The following ST7L variants were observed in gnomAD, a reference collection of about 807,000 sequenced individuals.
ST7L encodes the protein suppressor of tumorigenicity 7 protein-like.
In ST7L, 57 loss-of-function variants were observed where a neutral mutation model predicts 72.5. That is an observed-to-expected ratio of 0.79 (90% CI 0.64 to 0.98). ST7L has a LOEUF of 0.98. ST7L is among the 50% of genes least tolerant of loss of function. ST7L has a pLI of 0.00. For missense variants in ST7L, 576 were observed against 672.2 expected, an observed-to-expected ratio of 0.86 and a Z score of 1.58; for synonymous variants, 221 against 240.9, an observed-to-expected ratio of 0.92 and a Z score of 0.77.
intron 3 of ST7L, among the ~76,000 whole-genome samples, chr1:112,608,149 T>C (rs568985002): frequency 6.6e-6 from 1 of 152,292 alleles, no homozygotes; most frequent in South Asian, 2.1e-4. Context: ...GCCTCCCAAG[T>C]AGCTGGAACT....
At chr1:112,617,549 G>A (rs560992249) in intron 1 of ST7L, among the ~76,000 whole-genome samples, 8 of 152,030 alleles carry the variant, frequency 5.3e-5, no homozygotes, top group Non-Finnish European at 1.2e-4. Context: ...CAGTCTCTAC[G>A]CAAAATTTAA....
chr1:112,555,157 G>A (rs950211921), intron 12 of ST7L, among the ~76,000 whole-genome samples: 1 of 152,106 alleles, frequency 6.6e-6, no homozygotes, highest in South Asian at 2.1e-4. Context: ...TTACAATAAA[G>A]AATAGGTTGA....
chr1:112,610,698 G>A (rs940187845), intron 3 of ST7L, 143 bp downstream of exon 3: 26 of 1,018,454 alleles, frequency 2.6e-5, no homozygotes, highest in South Asian at 3.3e-5. Context: ...ACCCTACCTC[G>A]TAACATCACA....
chr1:112,617,537 C>A (rs1670060266), intron 1 of ST7L, among the ~76,000 whole-genome samples: 1 of 152,058 alleles, frequency 6.6e-6, no homozygotes, highest in Non-Finnish European at 1.5e-5. Context: ...ATAAAATAGA[C>A]CCAGTCTCTA....
At chr1:112,550,412 GCA>G (rs956496155) in intron 13 of ST7L, among the ~76,000 whole-genome samples, 187 bp downstream of exon 13, 2 of 152,042 alleles carry the variant, frequency 1.3e-5, no homozygotes, top group African/African-American at 4.8e-5. Context: ...GTTGCATCTA[GCA>G]CAGAGTTTTG....
chr1:112,601,909 T>C lies in ST7L; in HGVS notation c.452-1061A>G, dbSNP rs117802205. ...GCCTAGCCAACATAATAAAACTCCA[T>C]CTCTACTAAAAATACAAAATTAGCT... is the stretch of plus-strand genomic sequence containing the variant. On this transcript the variant is annotated intron_variant, in intron 3 of 14. Transcript: ENST00000358039. Among the ~76,000 whole-genome samples, 377 of 151,914 alleles carry C rather than the reference T, an allele frequency of 2.5e-3. 4 individuals are homozygous for C. The East Asian group carries it at 0.03, about 12-fold the overall frequency.
chr1:112,610,154 A>G (rs1668854869), intron 3 of ST7L, among the ~76,000 whole-genome samples: 2 of 152,120 alleles, frequency 1.3e-5, no homozygotes, highest in Admixed American at 1.3e-4. Context: ...AGTATGTAAC[A>G]TTTCTGAGAA....
chr1:112,619,257 G>A (rs1464245592), upstream of ST7L: 5 of 726,522 alleles, frequency 6.9e-6, no homozygotes, highest in Non-Finnish European at 1.1e-5. Flanking sequence ...GATTTCGAAG[G>A]TGGAGGAGCG....
At position 112,583,998 on chromosome 1, in the gene ST7L, T is replaced by C. The variant is rs1448759737; in HGVS notation, c.830A>G (p.Gln277Arg). The C allele has an allele frequency of 3.1e-6, 5 of 1,614,160 alleles. No homozygotes were observed. Among genetic ancestry groups the C allele is most frequent in the Non-Finnish European group, 4.2e-6 (5 of 1,180,018 alleles). Residue 277 changes from glutamine (Q) to arginine (R), a missense_variant, in exon 7 of 15, where the codon CAA (glutamine) becomes CGA (arginine). Gln to Arg is a conservative substitution (Grantham distance 43). Coordinates refer to ENST00000358039, the MANE Select transcript of ST7L (RefSeq NM_017744.5). ...CAGTTGAGCTTCATGCTGAGGACTT[T>C]GGTGCTGGCACTGCTGTGACTGCCT... is the stretch of plus-strand genomic sequence containing the variant. The part of the protein sequence containing the change: ...IYRQSQQCQH[Q>R]SPQHEAQLRR...
chr1:112,534,915 C>T (rs897698355), intron 14 of ST7L, among the ~76,000 whole-genome samples: 2 of 151,836 alleles, frequency 1.3e-5, no homozygotes, highest in African/African-American at 4.8e-5. Flanking sequence ...GAGATTTTCA[C>T]TTTGAGGGGG....
At chr1:112,568,855 AATATAAATATATATATATATAT>A (rs1661531772) in intron 11 of ST7L, among the ~76,000 whole-genome samples, 1 of 80,922 alleles carries the variant, frequency 1.2e-5, no homozygotes, top group Admixed American at 1.7e-4. Context: ...TATAAATATA[AATATAAATATATATATATATAT>A]ATATATATAT....
Position 112,590,883 on chromosome 1 carries a change from C to T in ST7L, c.701+642G>A, listed in dbSNP as rs192526370. On this transcript the variant is annotated intron_variant, in intron 6 of 14. Transcript: ENST00000358039. ...GAATGCTTTAAGTGAATGTTTTAAA[C>T]GAAAAAATTAAAACAGGTGCATAAA... Among the ~76,000 whole-genome samples the T allele has an allele frequency of 1.7e-4, 26 of 149,700 alleles. No homozygotes were observed. The East Asian group carries it at 3.9e-3, about 22-fold the overall frequency.
chr1:112,554,152 T>C (rs986612560), intron 12 of ST7L, among the ~76,000 whole-genome samples: 2 of 152,344 alleles, frequency 1.3e-5, no homozygotes, highest in African/African-American at 4.8e-5. Context: ...TGAATAAGCA[T>C]TGAATTTATT....
downstream of ST7L, chr1:112,520,557 A>C (rs757269199): frequency 1.3e-6 from 2 of 1,585,228 alleles, no homozygotes; most frequent in African/African-American, 2.7e-5. Flanking sequence ...TCTCAACTCA[A>C]AAGCACAAGA....
chr1:112,559,621 G>GCA (rs750195293), intron 11 of ST7L, among the ~76,000 whole-genome samples: 4 of 152,056 alleles, frequency 2.6e-5, no homozygotes, highest in Non-Finnish European at 5.9e-5. Flanking sequence ...AACACACATG[G>GCA]CACACTTATT....
upstream of ST7L, chr1:112,619,223 G>T: frequency 9.7e-7 from 1 of 1,027,220 alleles, no homozygotes; most frequent in Non-Finnish European, 1.4e-6. Flanking sequence ...TGAAGGCTGA[G>T]TCCTGGGGAA....
chr1:112,546,698 A>T (rs7513716), intron 13 of ST7L, among the ~76,000 whole-genome samples: 75,289 of 151,912 alleles, frequency 0.5, 19,004 homozygotes, highest in East Asian at 0.64. Context: ...AATTGTTGCT[A>T]TTGAGTTCTC....
At chr1:112,537,969 T>C (rs1354451692) in intron 14 of ST7L, among the ~76,000 whole-genome samples, 2 of 152,250 alleles carry the variant, frequency 1.3e-5, no homozygotes, top group East Asian at 3.8e-4. Context: ...TTAAAATCAG[T>C]GTCCAGTGCC....
chr1:112,540,648 A>G, intron 14 of ST7L: 1 of 1,183,054 alleles, frequency 8.5e-7, no homozygotes, highest in Non-Finnish European at 1.1e-6. Context: ...CACTGCTCTT[A>G]CCACTGGTGC....
Sources: allele counts gnomAD v4.1 joint callset (sites outside exome capture counted in the v4.1 genomes callset), GRCh38; gene constraint gnomAD v4.1.1; transcripts MANE v1.5; gene names NCBI Gene and HGNC (gene_info 2026-07-23, HGNC 2026-07-21).